Variants in RFC3 observed in about 807,000 individuals in gnomAD.
The protein encoded by RFC3 is A1 38 kDa subunit.
RFC3 carries 41 observed loss-of-function variants against 45.1 expected under a neutral mutation model. The observed-to-expected ratio is 0.91, with a 90% CI of 0.71 to 1.18. The LOEUF (loss-of-function observed/expected upper bound fraction) is 1.18. RFC3 is among the 50% of genes most tolerant of loss of function. The probability of loss-of-function intolerance (pLI) is 0.00; values close to 1 mark genes in which losing one functional copy is unlikely to be tolerated. For missense variants in RFC3, 423 were observed against 428.1 expected (o/e 0.99, Z 0.10); for synonymous variants, 149 against 144.0 (o/e 1.03, Z -0.25).
intron 8 of RFC3, among the ~76,000 whole-genome samples, chr13:33,855,038 G>A (rs1407832373): frequency 6.6e-6 from 1 of 152,052 alleles, no homozygotes. Flanking sequence ...CAATCGACTA[G>A]CGACAAATGA....
intron 8 of RFC3, among the ~76,000 whole-genome samples, chr13:33,951,350 G>A (rs2082990003): frequency 6.6e-6 from 1 of 151,194 alleles, no homozygotes; most frequent in Non-Finnish European, 1.5e-5. Context: ...CCCTGCCTCA[G>A]CCTCCCGAGT....
chr13:33,827,400 C>A (rs902420258), intron 4 of RFC3, among the ~76,000 whole-genome samples: 3 of 152,148 alleles, frequency 2.0e-5, no homozygotes, highest in African/African-American at 7.2e-5. Context: ...TTTCAAACAT[C>A]ACTATACAAA....
chr13:33,945,749 C>T (rs2082950470), intron 8 of RFC3, among the ~76,000 whole-genome samples: 1 of 152,162 alleles, frequency 6.6e-6, no homozygotes, highest in African/African-American at 2.4e-5. Context: ...CTCAGATGAA[C>T]CTGATATGAA....
At chr13:33,883,757 G>A (rs2082501347) in intron 8 of RFC3, among the ~76,000 whole-genome samples, 1 of 152,126 alleles carries the variant, frequency 6.6e-6, no homozygotes, top group African/African-American at 2.4e-5. Context: ...CACATATGAG[G>A]GAACAATACA....
intron 8 of RFC3, among the ~76,000 whole-genome samples, chr13:33,889,592 T>G (rs976775427): frequency 6.6e-6 from 1 of 152,178 alleles, no homozygotes; most frequent in African/African-American, 2.4e-5. Context: ...CTAGCTATCT[T>G]GAAATATGCA....
intron 8 of RFC3, among the ~76,000 whole-genome samples, chr13:33,956,852 C>G (rs897912881): frequency 6.6e-6 from 1 of 152,280 alleles, no homozygotes; most frequent in Admixed American, 6.5e-5. Flanking sequence ...GTGTTAGTTG[C>G]GAATAGGATA....
At position 33,882,143 on chromosome 13, in the gene RFC3, C is replaced by T. The variant is rs909012376; in HGVS notation, c.879+46926C>T. 6.9e-4 allele frequency among the ~76,000 whole-genome samples: 105 copies of T among 152,346 alleles called. 1 individual carries two copies. The highest frequency in any genetic ancestry group is 2.4e-3 in the African/African-American group (100 of 41,568). ...AGATAATTTCTTTGTATCCTATTCT[C>T]AGCTTCCCCTGATGTTAGCATCTTA... is the stretch of plus-strand genomic sequence containing the variant. On this transcript the variant is annotated intron_variant, in intron 8 of 8. Transcript: ENST00000434425.
chr13:33,886,442 A>G (rs1566016541), intron 8 of RFC3, among the ~76,000 whole-genome samples: 1 of 151,540 alleles, frequency 6.6e-6, no homozygotes, highest in African/African-American at 2.4e-5. Context: ...ACTACTCGGG[A>G]GGCCAAGGCA....
intron 8 of RFC3, among the ~76,000 whole-genome samples, chr13:33,893,500 G>T (rs1254589218): frequency 6.6e-6 from 1 of 151,890 alleles, no homozygotes; most frequent in Non-Finnish European, 1.5e-5. Flanking sequence ...AGCAAGCAGG[G>T]TACTATGACC....
At chr13:33,854,986 C>CA (rs2082299779) in intron 8 of RFC3, among the ~76,000 whole-genome samples, 1 of 151,338 alleles carries the variant, frequency 6.6e-6, no homozygotes, top group Non-Finnish European at 1.5e-5. Flanking sequence ...ATGACGGAAA[C>CA]AAAACATAAG....
At chr13:33,924,325 C>T (rs2082788372) in intron 8 of RFC3, among the ~76,000 whole-genome samples, 1 of 151,964 alleles carries the variant, frequency 6.6e-6, no homozygotes. Flanking sequence ...GTATAATCTT[C>T]CTTCTCAATG....
chr13:33,901,082 C>T (rs551566783), intron 8 of RFC3, among the ~76,000 whole-genome samples: 15 of 151,914 alleles, frequency 9.9e-5, no homozygotes, highest in East Asian at 5.8e-4. Context: ...ACCCCTTATA[C>T]GCTGCCGGTG....
intron 8 of RFC3, among the ~76,000 whole-genome samples, chr13:33,946,576 C>A (rs984061037): frequency 6.6e-6 from 1 of 152,084 alleles, no homozygotes; most frequent in Admixed American, 6.5e-5. Context: ...TATAACTTTT[C>A]TAAAATGAAA....
At chr13:33,884,314 T>C (rs1319690266) in intron 8 of RFC3, among the ~76,000 whole-genome samples, 3 of 152,202 alleles carry the variant, frequency 2.0e-5, no homozygotes, top group Non-Finnish European at 4.4e-5. Flanking sequence ...TTATATTCAC[T>C]TGTCTAATAG....
rs1160965137 is a variant in RFC3 at position 33,837,194 on chromosome 13, A to G, written c.*899A>G. ...TCAAGGTATAGATGCCGTCACCCCAAAAAGTTCCCTCCATATCCCTTTGCA... is the reference window on the plus strand; with the variant it reads ...TCAAGGTATAGATGCCGTCACCCCAGAAAGTTCCCTCCATATCCCTTTGCA... On this transcript the variant is annotated 3_prime_UTR_variant, in exon 9 of 9. Transcript: ENST00000380071. The G allele has an allele frequency of 6.3e-6, 2 of 319,006 alleles. No individual in the cohort carries two copies. Among genetic ancestry groups the G allele is most frequent in the Non-Finnish European group, 9.1e-6 (2 of 220,942 alleles). The allele number at this position is 319,006 out of a possible 1,614,324, so 19.8% of individuals were successfully genotyped here.
intron 8 of RFC3, among the ~76,000 whole-genome samples, chr13:33,910,308 C>T (rs1429312007): frequency 6.6e-6 from 1 of 152,046 alleles, no homozygotes. Context: ...TTTTGTCACT[C>T]ACTTAGACAT....
intron 8 of RFC3, among the ~76,000 whole-genome samples, chr13:33,962,922 A>G (rs1458761761): frequency 6.6e-6 from 1 of 152,198 alleles, no homozygotes; most frequent in Non-Finnish European, 1.5e-5. Flanking sequence ...GAATTTGTCT[A>G]ATAGAACATT....
At chr13:33,965,962 G>GTAGC in intron 8 of RFC3, 2 of 664,420 alleles carry the variant, frequency 3.0e-6, no homozygotes, top group South Asian at 3.7e-5. Flanking sequence ...TAATTCATTC[G>GTAGC]TAGCTTGCTC....
At chr13:33,936,358 A>G (rs892626695) in intron 8 of RFC3, among the ~76,000 whole-genome samples, 4 of 152,142 alleles carry the variant, frequency 2.6e-5, no homozygotes, top group South Asian at 2.1e-4. Context: ...AGACTAAATT[A>G]CTATTTAGTT....
Sources: gnomAD v4.1 joint callset for allele counts (sites outside exome capture counted in the v4.1 genomes callset) on GRCh38, gnomAD v4.1.1 for gene constraint, MANE v1.5 for transcripts, NCBI Gene and HGNC (gene_info 2026-07-23, HGNC 2026-07-21) for gene names.